The following SMAP1 variants were observed in gnomAD, a reference collection of about 807,000 sequenced individuals.
SMAP1 encodes small ArfGAP 1, also known as stromal membrane-associated protein 1.
In SMAP1, 24 loss-of-function variants were observed where a neutral mutation model predicts 58.5. The observed-to-expected ratio is 0.41, with a 90% CI of 0.30 to 0.58. The LOEUF (loss-of-function observed/expected upper bound fraction) is 0.58. SMAP1 is among the 20% of genes least tolerant of loss of function. The pLI is 0.29. For synonymous variants in SMAP1, 216 were observed against 196.6 expected, an observed-to-expected ratio of 1.10 and a Z score of -0.82; for missense variants, 563 against 566.3, an observed-to-expected ratio of 0.99 and a Z score of 0.06.
chr6:70,672,068 C>A (rs977304313), intron 1 of SMAP1, among the ~76,000 whole-genome samples: 2 of 152,078 alleles, frequency 1.3e-5, no homozygotes, highest in Admixed American at 1.3e-4. Flanking sequence ...TTCTTTGTTC[C>A]GCAGATCTTG....
intron 9 of SMAP1, 48 bp downstream of exon 9, chr6:70,857,078 C>A (rs776301142): frequency 4.0e-6 from 6 of 1,492,386 alleles, no homozygotes; most frequent in Non-Finnish European, 5.4e-6. Flanking sequence ...AGAAGTACAT[C>A]CTTTGTAATT....
chr6:70,837,995 TA>T, intron 7 of SMAP1: 1 of 929,016 alleles, frequency 1.1e-6, no homozygotes, highest in Non-Finnish European at 1.3e-6. Context: ...TCTATGATGG[TA>T]AAAAGTTGTG....
intron 3 of SMAP1, among the ~76,000 whole-genome samples, chr6:70,771,058 A>G (rs1767275389): frequency 6.6e-6 from 1 of 152,110 alleles, no homozygotes; most frequent in Admixed American, 6.5e-5. Flanking sequence ...TGGCTACAGG[A>G]CAGCGGATTT....
At chr6:70,684,222 TTATCTC>T (rs1160997891) in intron 1 of SMAP1, among the ~76,000 whole-genome samples, 2 of 152,232 alleles carry the variant, frequency 1.3e-5, no homozygotes, top group African/African-American at 4.8e-5. Flanking sequence ...GAACAAATGG[TTATCTC>T]TATATAAATC....
At chr6:70,686,186 T>TA (rs1020491425) in intron 1 of SMAP1, among the ~76,000 whole-genome samples, 6 of 152,230 alleles carry the variant, frequency 3.9e-5, no homozygotes, top group African/African-American at 1.4e-4. Context: ...CTGTTTTTTT[T>TA]ACCTGCTATG....
At chr6:70,744,484 C>T (rs1765942796) in intron 2 of SMAP1, among the ~76,000 whole-genome samples, 1 of 152,150 alleles carries the variant, frequency 6.6e-6, no homozygotes, top group African/African-American at 2.4e-5. Flanking sequence ...TCATCCATGA[C>T]CTACAAAGGA....
intron 6 of SMAP1, among the ~76,000 whole-genome samples, chr6:70,808,588 A>G (rs1202247769): frequency 6.6e-6 from 1 of 152,146 alleles, no homozygotes; most frequent in African/African-American, 2.4e-5. Context: ...TTCTTTATTA[A>G]GTGATAAGAT....
At chr6:70,698,687 A>T (rs1361867193) in intron 1 of SMAP1, among the ~76,000 whole-genome samples, 1 of 152,184 alleles carries the variant, frequency 6.6e-6, no homozygotes, top group South Asian at 2.1e-4. Flanking sequence ...ACTCTGACGC[A>T]TTCTTCAGTA....
chr6:70,790,308 A>G (rs1188517848), intron 4 of SMAP1, among the ~76,000 whole-genome samples: 4 of 151,870 alleles, frequency 2.6e-5, no homozygotes, highest in Non-Finnish European at 5.9e-5. Flanking sequence ...ACCTGGCTAA[A>G]TTTTTATATT....
chr6:70,743,128 A>AT, intron 2 of SMAP1, among the ~76,000 whole-genome samples: 1 of 152,120 alleles, frequency 6.6e-6, no homozygotes, highest in African/African-American at 2.4e-5. Context: ...CAGTTTATAT[A>AT]TCTCTTGAAT....
rs979698193 is a variant in SMAP1 at position 70,859,165 on chromosome 6, C to G, written c.1269+936C>G. ...TATATCACAGTTAATTTTGCTACCA[C>G]CATTTACAAGAATATAGGTAAAACA... On this transcript the variant is annotated intron_variant, in intron 10 of 10. Coordinates refer to ENST00000370455, the MANE Select transcript of SMAP1 (RefSeq NM_001044305.3). 7.6e-6 allele frequency: 4 copies of G among 526,530 alleles called. No homozygotes were observed. In the African/African-American group the frequency reaches 7.7e-5, roughly 10 times the overall value. 32.6% of individuals were successfully genotyped at this position (526,530 alleles called of 1,614,324 possible). A position where few individuals can be genotyped will look rare whatever the true frequency, so the allele number is the denominator to read the frequency against.
rs533010842 is a variant in SMAP1, at chr6:70,730,388, A to C, written c.119-1990A>C. Among the ~76,000 whole-genome samples the C allele has an allele frequency of 2.0e-5, 3 of 152,296 alleles. No homozygotes were observed. The East Asian group carries it at 5.8e-4, about 29-fold the overall frequency. On this transcript the variant is annotated intron_variant, in intron 1 of 10. Coordinates refer to ENST00000370455, the MANE Select transcript of SMAP1 (RefSeq NM_001044305.3). ...TATCTGTTTAACCTTTCTTAGTTTG[A>C]GACTTACTTGCTAAAAATAATTAAA...
rs190187819 is a variant in SMAP1, at chr6:70,702,310, C to T, written c.119-30068C>T. On this transcript the variant is annotated intron_variant, in intron 1 of 10. Transcript: ENST00000370455. The stretch of plus-strand genomic sequence containing the variant: ...TTATTTTACTTTTTCTGTCACTCCA[C>T]CTCTTAATTTGGGAATTCCAATTAA... Among the ~76,000 whole-genome samples the T allele has an allele frequency of 2.6e-5, 4 of 151,692 alleles. No homozygotes were observed. In the East Asian group the frequency reaches 7.7e-4, roughly 29 times the overall value.
chr6:70,698,221 A>C (rs965139948), intron 1 of SMAP1, among the ~76,000 whole-genome samples: 3 of 152,134 alleles, frequency 2.0e-5, no homozygotes, highest in South Asian at 4.1e-4. Flanking sequence ...AAAATATGTC[A>C]TATCACTTTC....
At chr6:70,770,009 T>C (rs201043255) in intron 3 of SMAP1, among the ~76,000 whole-genome samples, 3 of 151,784 alleles carry the variant, frequency 2.0e-5, no homozygotes, top group Admixed American at 2.0e-4. Context: ...CCTTCACTTA[T>C]GAAGCTTAGT....
chr6:70,795,556 A>G (rs1287572254), intron 5 of SMAP1, among the ~76,000 whole-genome samples: 6 of 152,124 alleles, frequency 3.9e-5, no homozygotes, highest in African/African-American at 9.7e-5. Context: ...TGTGAATCCT[A>G]TTCATGAAGG....
chr6:70,805,008 G>A (rs1769055218), intron 6 of SMAP1, among the ~76,000 whole-genome samples: 1 of 150,992 alleles, frequency 6.6e-6, no homozygotes, highest in Non-Finnish European at 1.5e-5. Context: ...GAGTATCTTT[G>A]TGGTGTTCTG....
intron 6 of SMAP1, among the ~76,000 whole-genome samples, chr6:70,808,090 ATCG>A (rs775000377): frequency 2.6e-5 from 4 of 152,172 alleles, no homozygotes; most frequent in Non-Finnish European, 5.9e-5. Context: ...TTTTATCCTC[ATCG>A]TCTTCATGTT....
At chr6:70,720,196 A>G (rs994115599) in intron 1 of SMAP1, among the ~76,000 whole-genome samples, 3 of 152,166 alleles carry the variant, frequency 2.0e-5, no homozygotes, top group Non-Finnish European at 4.4e-5. Context: ...TGGCCAAAAC[A>G]AAGGGGTTAC....
Sources: gnomAD v4.1 joint callset for allele counts (sites outside exome capture counted in the v4.1 genomes callset) on GRCh38, gnomAD v4.1.1 for gene constraint, MANE v1.5 for transcripts, NCBI Gene and HGNC (gene_info 2026-07-23, HGNC 2026-07-21) for gene names.